KSR2: variants seen among roughly 807,000 people sequenced by gnomAD.
KSR2 encodes kinase suppressor of ras 2.
A neutral mutation model predicts 107.8 loss-of-function variants in KSR2; 25 were observed. That is an observed-to-expected ratio of 0.23 (90% CI 0.17 to 0.32). The LOEUF (loss-of-function observed/expected upper bound fraction) is 0.32, where lower values mean the gene tolerates loss of function less well. Among genes scored for constraint, KSR2 ranks in the 10% least tolerant of loss-of-function variants. The probability of loss-of-function intolerance (pLI) is 1.00; values close to 1 mark genes in which losing one functional copy is unlikely to be tolerated. For missense variants in KSR2, 887 were observed against 1,268.9 expected (o/e 0.70, Z 4.57); for synonymous variants, 480 against 507.0 (o/e 0.95, Z 0.71).
chr12:117,549,650 T>C (rs1877146223), intron 9 of KSR2, among the ~76,000 whole-genome samples: 1 of 152,166 alleles, frequency 6.6e-6, no homozygotes, highest in African/African-American at 2.4e-5. Context: ...GGAAGGGTTG[T>C]ATGGAAGAAC....
chr12:117,776,831 G>A (rs867681673), intron 3 of KSR2, among the ~76,000 whole-genome samples: 1 of 151,708 alleles, frequency 6.6e-6, no homozygotes, highest in Non-Finnish European at 1.5e-5. Context: ...TCCTCCTCCT[G>A]TTTCATTTCC....
chr12:117,810,205 A>G (rs1891148723), intron 3 of KSR2, among the ~76,000 whole-genome samples: 1 of 152,170 alleles, frequency 6.6e-6, no homozygotes, highest in Non-Finnish European at 1.5e-5. Flanking sequence ...CAGTCATATA[A>G]CAAAGAACCC....
At chr12:117,812,084 C>A (rs956306152) in intron 3 of KSR2, among the ~76,000 whole-genome samples, 9 of 152,174 alleles carry the variant, frequency 5.9e-5, no homozygotes, top group Non-Finnish European at 1.0e-4. Flanking sequence ...TGAGAAGATT[C>A]TTGTTGGCAT....
At chr12:117,793,305 A>C (rs551809730) in intron 3 of KSR2, among the ~76,000 whole-genome samples, 2 of 140,802 alleles carry the variant, frequency 1.4e-5, no homozygotes, top group South Asian at 2.4e-4. Flanking sequence ...TACACACAAC[A>C]TGCACACACC....
At chr12:117,852,707 GCTCA>G (rs1394675743) in intron 3 of KSR2, among the ~76,000 whole-genome samples, 2 of 152,108 alleles carry the variant, frequency 1.3e-5, no homozygotes, top group Non-Finnish European at 2.9e-5. Context: ...AACCTCAAAC[GCTCA>G]CTGTCAGGCA....
At chr12:117,591,961 A>G (rs1397652697) in intron 5 of KSR2, among the ~76,000 whole-genome samples, 1 of 151,634 alleles carries the variant, frequency 6.6e-6, no homozygotes, top group Non-Finnish European at 1.5e-5. Context: ...GTGAGCTGAG[A>G]TTGTGCCACT....
intron 4 of KSR2, among the ~76,000 whole-genome samples, chr12:117,750,320 G>A (rs1265538631): frequency 2.0e-5 from 3 of 150,072 alleles, no homozygotes; most frequent in Non-Finnish European, 4.4e-5. Context: ...AAATTTCTCA[G>A]GAGCATACAT....
At chr12:117,629,844 C>G (rs7131858) in intron 5 of KSR2, among the ~76,000 whole-genome samples, 54,047 of 152,122 alleles carry the variant, frequency 0.36, 11,704 homozygotes, top group South Asian at 0.48. Flanking sequence ...CTGGCATCAC[C>G]CAAAGACTAA....
intron 8 of KSR2, among the ~76,000 whole-genome samples, chr12:117,556,595 T>C (rs7959431): frequency 0.11 from 17,120 of 152,208 alleles, 1,075 homozygotes; most frequent in Middle Eastern, 0.18. Flanking sequence ...CACATCACAG[T>C]GCTTTCAGCA....
chr12:117,785,626 G>A (rs528824049), intron 3 of KSR2, among the ~76,000 whole-genome samples: 4 of 152,020 alleles, frequency 2.6e-5, no homozygotes, highest in South Asian at 2.1e-4. Flanking sequence ...TTTTGGAATC[G>A]AAAAATACAC....
rs987644191 is a variant in KSR2 at position 117,458,067 on chromosome 12, G to A, written c.*9132C>T. ...TTGGGCTTTAGGCTTCAGAACAGGT[G>A]AGACATTGTATCACTCATCACTGAA... On this transcript the variant is annotated 3_prime_UTR_variant, in exon 20 of 20. Coordinates refer to ENST00000339824, the MANE Select transcript of KSR2 (RefSeq NM_173598.6). The A allele has an allele frequency of 1.1e-4, 16 of 152,172 alleles. No individual in the cohort carries two copies. Among genetic ancestry groups the A allele is most frequent in the African/African-American group, 3.9e-4 (16 of 41,442 alleles). The allele number at this position is 152,172 out of a possible 1,614,324, so 9.4% of individuals were successfully genotyped here.
At chr12:117,651,278 T>C (rs1205212996) in intron 5 of KSR2, among the ~76,000 whole-genome samples, 1 of 152,162 alleles carries the variant, frequency 6.6e-6, no homozygotes, top group African/African-American at 2.4e-5. Flanking sequence ...ATAATGTTGA[T>C]TCTCCTCAGG....
At chr12:117,966,964 C>A (rs1489861190) in intron 1 of KSR2, among the ~76,000 whole-genome samples, 1 of 152,106 alleles carries the variant, frequency 6.6e-6, no homozygotes, top group African/African-American at 2.4e-5. Flanking sequence ...AGCCCCACTG[C>A]CCCCACCCTC....
chr12:117,695,338 A>C (rs571572775), intron 4 of KSR2, among the ~76,000 whole-genome samples: 1 of 152,302 alleles, frequency 6.6e-6, no homozygotes, highest in African/African-American at 2.4e-5. Context: ...AACGTACTTA[A>C]TATCACTGAA....
chr12:117,636,258 A>T (rs1023271297), intron 5 of KSR2, among the ~76,000 whole-genome samples: 2 of 152,190 alleles, frequency 1.3e-5, no homozygotes, highest in Non-Finnish European at 2.9e-5. Flanking sequence ...AAATATCCGT[A>T]TATCAATGAA....
chr12:117,505,202 C>G (rs540818279), intron 14 of KSR2, among the ~76,000 whole-genome samples: 1 of 152,116 alleles, frequency 6.6e-6, no homozygotes, highest in Non-Finnish European at 1.5e-5. Flanking sequence ...TGAATTGGCC[C>G]GCACCAGAAT....
intron 4 of KSR2, among the ~76,000 whole-genome samples, chr12:117,686,215 A>ATT (rs55772468): frequency 0.078 from 6,064 of 77,712 alleles, 440 homozygotes; most frequent in East Asian, 0.15. Flanking sequence ...CACCCAGCTA[A>ATT]TTTTTTTTTT....
chr12:117,579,432 A>C (rs1332874665), intron 6 of KSR2, among the ~76,000 whole-genome samples: 1 of 152,232 alleles, frequency 6.6e-6, no homozygotes, highest in Non-Finnish European at 1.5e-5. Context: ...GAGATTAAAC[A>C]AGGTCAGGCA....
At chr12:117,521,299 C>G (rs1874743250) in intron 14 of KSR2, among the ~76,000 whole-genome samples, 1 of 152,202 alleles carries the variant, frequency 6.6e-6, no homozygotes, top group African/African-American at 2.4e-5. Context: ...AGAATACTGT[C>G]AGAGTTGGCA....
Sources: allele counts gnomAD v4.1 joint callset (sites outside exome capture counted in the v4.1 genomes callset), GRCh38; gene constraint gnomAD v4.1.1; transcripts MANE v1.5; gene names NCBI Gene and HGNC (gene_info 2026-07-23, HGNC 2026-07-21).